PRRC2A: variants seen among roughly 807,000 people sequenced by gnomAD.
PRRC2A encodes the protein proline rich coiled-coil 2A.
PRRC2A carries 59 observed loss-of-function variants against 224.6 expected under a neutral mutation model. That is an observed-to-expected ratio of 0.26 (90% CI 0.21 to 0.33). The LOEUF (loss-of-function observed/expected upper bound fraction) is 0.33, where lower values mean the gene tolerates loss of function less well. PRRC2A is among the 10% of genes least tolerant of loss of function. The pLI is 1.00. For synonymous variants in PRRC2A, 1,194 were observed against 1,109.5 expected (o/e 1.08, Z -1.51); for missense variants, 3,095 against 2,880.7 (o/e 1.07, Z -1.70).
Position 31,636,445 on chromosome 6 carries a change from T to C in PRRC2A, c.5835+26T>C, listed in dbSNP as rs137889246. 5.1e-5 allele frequency: 82 copies of C among 1,612,346 alleles called. 1 individual carries two copies. In the African/African-American group the frequency reaches 1.1e-3, roughly 21 times the overall value. On this transcript the variant is annotated intron_variant, in intron 26 of 30. Transcript: ENST00000376033. The surrounding 1 kb of genome is among the most constrained non-coding windows in gnomAD (Gnocchi z 4.3). ...GTAAGAGGGGGGCAGGTATTAGATA[T>C]TGGGGGATAGGGTAGGGAGAATGAT...
rs78226731 is a variant in PRRC2A, at chr6:31,630,778, G to A, written c.2442G>A (p.Ala814=). The change falls in exon 15 of 31, where the codon GCG becomes GCA. Residue 814 remains alanine, a synonymous_variant. Coordinates refer to ENST00000376033, the MANE Select transcript of PRRC2A (RefSeq NM_004638.4). ...RPLTSPLRQA[A]DEDDKGMRSE... ...TTACCTCACCTCTGCGCCAGGCTGC[G>A]GATGAGGATGACAAGGGGATGAGGT... 7.1e-4 allele frequency: 1,142 copies of A among 1,614,138 alleles called. 2 individuals carry two copies. The highest frequency in any genetic ancestry group is 9.3e-4 in the Non-Finnish European group (1,099 of 1,180,026).
chr6:31,631,895 C>T lies in PRRC2A; in HGVS notation c.3222C>T (p.Asn1074=). 3 of 1,611,600 alleles carry T rather than the reference C, an allele frequency of 1.9e-6. No homozygotes were observed. Among genetic ancestry groups the T allele is most frequent in the Non-Finnish European group, 8.5e-7 (1 of 1,179,492 alleles). The part of the protein sequence containing the change: ...DGRGGGTGGP[N]HPPAPRGRTA... Reference sequence around the variant, plus strand: ...GTGGAGGTGGGACAGGGGGACCAAACCACCCTCCTGCTCCCCGAGGCCGCA... The same window carrying T: ...GTGGAGGTGGGACAGGGGGACCAAATCACCCTCCTGCTCCCCGAGGCCGCA... Residue 1074 remains asparagine, a synonymous_variant, in exon 16 of 31, where the codon AAC becomes AAT. Transcript: ENST00000376033. The surrounding 1 kb of genome is among the most constrained non-coding windows in gnomAD (Gnocchi z 4.5).
rs761881751 is a variant in PRRC2A at position 31,635,377 on chromosome 6, CCTT to C, written c.5302-13_5302-11del. 16 of 1,613,998 alleles carry C rather than the reference CCTT, an allele frequency of 9.9e-6. No individual in the cohort carries two copies. The highest frequency in any genetic ancestry group is 1.6e-4 in the Middle Eastern group (1 of 6,082). ...GTCTGTCACGGGACAATGTCTCCTGCCTTCTTGTGATCACAGGACTCAGACTTA... is the reference window on the plus strand; with the variant it reads ...GTCTGTCACGGGACAATGTCTCCTGCCTTGTGATCACAGGACTCAGACTTA... On this transcript the variant is annotated splice_polypyrimidine_tract_variant and intron_variant, in intron 22 of 30. Coordinates refer to ENST00000376033, the MANE Select transcript of PRRC2A (RefSeq NM_004638.4).
Position 31,631,908 on chromosome 6 carries a change from C to T in PRRC2A, c.3235C>T (p.Pro1079Ser), listed in dbSNP as rs1377861225. 9 of 1,612,214 alleles carry T rather than the reference C, an allele frequency of 5.6e-6. No homozygotes were observed. Among genetic ancestry groups the T allele is most frequent in the Non-Finnish European group, 7.6e-6 (9 of 1,179,792 alleles). Residue 1079 changes from proline (P) to serine (S), a missense_variant, in exon 16 of 31, where the codon CCC (proline) becomes TCC (serine). Physicochemically the swap from Pro to Ser is moderately conservative, Grantham distance 74. This residue lies in a region of PRRC2A where 2,001 missense variants were observed against 1,764.9 expected (regional missense o/e 1.13). Coordinates refer to ENST00000376033, the MANE Select transcript of PRRC2A (RefSeq NM_004638.4). The surrounding 1 kb of genome is among the most constrained non-coding windows in gnomAD (Gnocchi z 4.5). Reference protein sequence around the residue: ...GTGGPNHPPAPRGRTASETRS... With the variant: ...GTGGPNHPPASRGRTASETRS... Reference sequence around the variant, plus strand: ...AGGGGGACCAAACCACCCTCCTGCTCCCCGAGGCCGCACTGCCAGCGAGAC... The same window carrying T: ...AGGGGGACCAAACCACCCTCCTGCTTCCCGAGGCCGCACTGCCAGCGAGAC...
At position 31,631,174 on chromosome 6, in the gene PRRC2A, A is replaced by C; in HGVS notation, c.2501A>C (p.Tyr834Ser). The part of the protein sequence containing the change: ...ETPPVPPPPP[Y>S]LASYPGFPEN... ...CCTCCAGTACCTCCCCCACCACCCT[A>C]TCTGGCCAGTTATCCAGGCTTTCCT... is the stretch of plus-strand genomic sequence containing the variant. Residue 834 changes from tyrosine (Y) to serine (S), a missense_variant, in exon 16 of 31, where the codon TAT becomes TCT. Tyr to Ser is a moderately radical substitution (Grantham distance 144). This residue lies in a region of PRRC2A where 2,001 missense variants were observed against 1,764.9 expected (regional missense o/e 1.13). Coordinates refer to ENST00000376033, the MANE Select transcript of PRRC2A (RefSeq NM_004638.4). This position sits in a 1 kb window ranked among gnomAD's most constrained non-coding sequence, Gnocchi z 4.5. 4 of 1,562,090 alleles carry C rather than the reference A, an allele frequency of 2.6e-6. No individual in the cohort carries two copies. The highest frequency in any genetic ancestry group is 3.5e-6 in the Non-Finnish European group (4 of 1,153,812).
intron 16 of PRRC2A, 141 bp from the exon 17 acceptor site, chr6:31,633,238 A>G (rs1776888728): frequency 5.5e-6 from 7 of 1,269,888 alleles, no homozygotes; most frequent in Non-Finnish European, 7.6e-6. Context: ...ATCTGTATGC[A>G]TAGGAATCCT....
rs1319532703 is a variant in PRRC2A, at chr6:31,626,975, C to T, written c.1074-7C>T. 2.5e-6 allele frequency: 4 copies of T among 1,614,164 alleles called. No individual in the cohort carries two copies. Among genetic ancestry groups the T allele is most frequent in the Non-Finnish European group, 2.5e-6 (3 of 1,180,014 alleles). On this transcript the variant is annotated splice_polypyrimidine_tract_variant and splice_region_variant and intron_variant, in intron 10 of 30. Transcript: ENST00000376033. ...TGATTTTAATTTCACTGTTGATCTG[C>T]TCACAGCAGGGATTCCCAATCAGCT... is the stretch of plus-strand genomic sequence containing the variant.
At position 31,625,158 on chromosome 6, in the gene PRRC2A, C is replaced by G. The variant is rs541473903; in HGVS notation, c.464-13C>G. ...TGTCTTCTGTCTCCTGTTCTGCATC[C>G]CCATCCTAATAGGTGGAAGGGCATC... On this transcript the variant is annotated splice_polypyrimidine_tract_variant and intron_variant, in intron 5 of 30. Transcript: ENST00000376033. The surrounding 1 kb of genome is among the most constrained non-coding windows in gnomAD (Gnocchi z 4.1). The G allele has an allele frequency of 1.2e-6, 2 of 1,608,508 alleles. No individual in the cohort carries two copies. The highest frequency in any genetic ancestry group is 2.7e-5 in the African/African-American group (2 of 74,940).
chr6:31,627,021 T>C lies in PRRC2A; in HGVS notation c.1113T>C (p.Pro371=). 2 of 1,614,194 alleles carry C rather than the reference T, an allele frequency of 1.2e-6. No individual in the cohort carries two copies. ...CAGCTTCTGGTGAGGAACGGCCCCC[T>C]GAAGCAGATGGCAAAAAGGGCAACT... ...SQSASGEERP[P]EADGKKGNSP... The change falls in exon 11 of 31, where the codon CCT becomes CCC. Residue 371 remains proline (P), a synonymous_variant. Transcript: ENST00000376033. This position sits in a 1 kb window ranked among gnomAD's most constrained non-coding sequence, Gnocchi z 5.6.
intron 13 of PRRC2A, 95 bp from the exon 14 acceptor site, chr6:31,629,453 A>C: frequency 6.9e-7 from 1 of 1,443,450 alleles, no homozygotes; most frequent in South Asian, 1.2e-5. Flanking sequence ...CTCCATTGTC[A>C]CGCCAATTTC....
In PRRC2A at chr6:31,632,420, G is replaced by A. The variant is rs1487113825; in HGVS notation, c.3747G>A (p.Gln1249=). ...RPRRRRHGRA[Q]QQDKPPRFRR... Reference sequence around the variant, plus strand: ...GAAGGAGGCGACATGGGAGGGCTCAGCAGCAGGATAAACCGCCTCGTTTCC... The same window carrying A: ...GAAGGAGGCGACATGGGAGGGCTCAACAGCAGGATAAACCGCCTCGTTTCC... The change falls in exon 16 of 31, where the codon CAG becomes CAA. Residue 1249 remains glutamine (Q), a synonymous_variant. Transcript: ENST00000376033. 2.5e-6 allele frequency: 4 copies of A among 1,608,426 alleles called. No homozygotes were observed. The highest frequency in any genetic ancestry group is 3.4e-6 in the Non-Finnish European group (4 of 1,176,880).
In PRRC2A at chr6:31,632,681, G is replaced by A; in HGVS notation, c.4008G>A (p.Gly1336=). The part of the protein sequence containing the change: ...ESSDFTSERR[G]DKEAPPPVLL... ...GTGACTTCACCAGTGAGCGCCGAGG[G>A]GACAAAGAGGCACCCCCACCAGTAC... is the stretch of plus-strand genomic sequence containing the variant. The change falls in exon 16 of 31, where the codon GGG becomes GGA. Residue 1336 remains glycine, a synonymous_variant. Coordinates refer to ENST00000376033, the MANE Select transcript of PRRC2A (RefSeq NM_004638.4). 6.2e-7 allele frequency: 1 copy of A among 1,613,100 alleles called. No homozygotes were observed. Among genetic ancestry groups the A allele is most frequent in the Non-Finnish European group, 8.5e-7 (1 of 1,180,022 alleles).
intron 18 of PRRC2A, 49 bp downstream of exon 18, chr6:31,634,038 A>G: frequency 6.3e-7 from 1 of 1,587,892 alleles, no homozygotes; most frequent in East Asian, 2.2e-5. Context: ...TACTCGTGAA[A>G]ATTCTTCTGG....
chr6:31,630,588 C>T lies in PRRC2A; in HGVS notation c.2255-3C>T. 2 of 1,614,032 alleles carry T rather than the reference C, an allele frequency of 1.2e-6. No homozygotes were observed. Among genetic ancestry groups the T allele is most frequent in the South Asian group, 1.1e-5 (1 of 91,060 alleles). On this transcript the variant is annotated splice_polypyrimidine_tract_variant and splice_region_variant and intron_variant, in intron 14 of 30. Transcript: ENST00000376033. ...TATTTTTCTTTTTCTTTGGTTTCTTCAGGCCTAGTTCCCCGAGAGCGTTCA... is the reference window on the plus strand; with the variant it reads ...TATTTTTCTTTTTCTTTGGTTTCTTTAGGCCTAGTTCCCCGAGAGCGTTCA...
chr6:31,627,820 GGCGGCA>G lies in PRRC2A; in HGVS notation c.1350_1355del (p.Gln451_Arg452del). On this transcript the variant is annotated inframe_deletion, in exon 12 of 31. Coordinates refer to ENST00000376033, the MANE Select transcript of PRRC2A (RefSeq NM_004638.4). The surrounding 1 kb of genome is among the most constrained non-coding windows in gnomAD (Gnocchi z 5.6). ...GCACCTGAAGATGAGGATGAGGCAT[GGCGGCA>G]GCGACGAAAGCAGTCGTCATCTGAG... The G allele has an allele frequency of 6.2e-7, 1 of 1,613,096 alleles. No individual in the cohort carries two copies. Among genetic ancestry groups the G allele is most frequent in the South Asian group, 1.1e-5 (1 of 91,086 alleles).
In PRRC2A at chr6:31,634,891, C is replaced by T; in HGVS notation, c.5074C>T (p.Pro1692Ser). 1.2e-6 allele frequency: 2 copies of T among 1,613,018 alleles called. No homozygotes were observed. The highest frequency in any genetic ancestry group is 1.1e-5 in the South Asian group (1 of 91,086). Residue 1692 changes from proline to serine, a missense_variant, in exon 21 of 31, where the codon CCC becomes TCC. Coordinates refer to ENST00000376033, the MANE Select transcript of PRRC2A (RefSeq NM_004638.4). ...GPPKRPGGSS[P>S]LNAVPCEGPP... is the part of the protein sequence containing the mutation. Reference sequence around the variant, plus strand: ...CCCCAAGAGGCCTGGAGGCTCCTCACCCCTGAATGCTGTTCCTTGTGAGGG... The same window carrying T: ...CCCCAAGAGGCCTGGAGGCTCCTCATCCCTGAATGCTGTTCCTTGTGAGGG...
Position 31,622,550 on chromosome 6 carries a change from A to G in PRRC2A, c.-100-140A>G, listed in dbSNP as rs73728952. On this transcript the variant is annotated intron_variant, in intron 1 of 30. Coordinates refer to ENST00000376033, the MANE Select transcript of PRRC2A (RefSeq NM_004638.4). ...GAGGGAACATGGCATTTGAGCTATG[A>G]GGGAGCTAAGTAGATCATGGTTGCT... 3.1e-3 allele frequency: 1,435 copies of G among 458,590 alleles called. 18 individuals are homozygous for G. Among genetic ancestry groups the G allele is most frequent in the African/African-American group, 0.026 (1,299 of 49,132 alleles). 28.4% of individuals were successfully genotyped at this position (458,590 alleles called of 1,614,324 possible).
chr6:31,621,526 C>T (rs1228736539), intron 1 of PRRC2A, among the ~76,000 whole-genome samples: 1 of 151,940 alleles, frequency 6.6e-6, no homozygotes, highest in Non-Finnish European at 1.5e-5. Flanking sequence ...ATATTTTCCA[C>T]CTGCTTTCGT....
rs111669863 is a variant in PRRC2A at position 31,633,467 on chromosome 6, C to T, written c.4408C>T (p.His1470Tyr). 6.2e-7 allele frequency: 1 copy of T among 1,613,100 alleles called. No individual in the cohort carries two copies. The highest frequency in any genetic ancestry group is 2.2e-5 in the East Asian group (1 of 44,884). Residue 1470 changes from histidine to tyrosine, a missense_variant, in exon 17 of 31, where the codon CAC (histidine) becomes TAC (tyrosine). By Grantham distance (83) the His-to-Tyr change is moderately conservative (BLOSUM62 2). Coordinates refer to ENST00000376033, the MANE Select transcript of PRRC2A (RefSeq NM_004638.4). The part of the protein sequence containing the change: ...SAVFRLDQVI[H>Y]SNPAGIQQAL... ...TGTCTTCCGCCTGGACCAAGTTATCCACAGCAACCCTGCTGGCATCCAACA... is the reference window on the plus strand; with the variant it reads ...TGTCTTCCGCCTGGACCAAGTTATCTACAGCAACCCTGCTGGCATCCAACA...
Sources: gnomAD v4.1 joint callset for allele counts (sites outside exome capture counted in the v4.1 genomes callset) on GRCh38, gnomAD v4.1.1 for gene constraint, gnomAD v4.1.1 regional missense constraint, Gnocchi (gnomAD v3.1) non-coding constraint, MANE v1.5 for transcripts, NCBI Gene and HGNC (gene_info 2026-07-23, HGNC 2026-07-21) for gene names.